KIRREL1: variants seen among roughly 807,000 people sequenced by gnomAD.
The protein encoded by KIRREL1 is kin of IRRE-like protein 1.
A neutral mutation model predicts 83.3 loss-of-function variants in KIRREL1; 25 were observed. The ratio of observed to expected loss-of-function variants is 0.30; its 90% CI spans 0.22 to 0.42. The LOEUF is 0.42. Among genes scored for constraint, KIRREL1 ranks in the 10% least tolerant of loss-of-function variants. The probability of loss-of-function intolerance (pLI) is 1.00; values close to 1 mark genes in which losing one functional copy is unlikely to be tolerated. For synonymous variants in KIRREL1, 388 were observed against 410.4 expected (o/e 0.95, Z 0.66); for missense variants, 812 against 1,032.3 (o/e 0.79, Z 2.92).
At chr1:158,092,384 GT>G (rs1662225200) in intron 11 of KIRREL1, among the ~76,000 whole-genome samples, 1 of 115,318 alleles carries the variant, frequency 8.7e-6, no homozygotes, top group Non-Finnish European at 1.6e-5. Flanking sequence ...GTCTTGCTCT[GT>G]CGCCCAGGCT....
At chr1:158,082,337 A>C (rs1425756624) in intron 3 of KIRREL1, among the ~76,000 whole-genome samples, 1 of 151,742 alleles carries the variant, frequency 6.6e-6, no homozygotes, top group East Asian at 1.9e-4. Flanking sequence ...ACTGAGACTC[A>C]GTGATTTTAG....
intron 1 of KIRREL1, among the ~76,000 whole-genome samples, chr1:158,031,964 C>T (rs1660338171): frequency 6.6e-6 from 1 of 152,016 alleles, no homozygotes; most frequent in South Asian, 2.1e-4. Context: ...ATACCCTTGG[C>T]CCCAGCTACT....
intron 1 of KIRREL1, among the ~76,000 whole-genome samples, chr1:158,013,124 T>G (rs1287059627): frequency 1.3e-5 from 2 of 152,350 alleles, no homozygotes; most frequent in East Asian, 3.9e-4. Flanking sequence ...TAGCTTTTTC[T>G]AAAATGCCAC....
chr1:158,003,553 C>T (rs979247341), intron 1 of KIRREL1, among the ~76,000 whole-genome samples: 4 of 152,154 alleles, frequency 2.6e-5, no homozygotes, highest in Non-Finnish European at 4.4e-5. Context: ...TCCCACACTC[C>T]CCTTGATGCC....
At chr1:158,038,629 C>A (rs1660540107) in intron 1 of KIRREL1, among the ~76,000 whole-genome samples, 2 of 151,528 alleles carry the variant, frequency 1.3e-5, no homozygotes. Flanking sequence ...TCTAGCCATT[C>A]TCTTCCTCTT....
intron 1 of KIRREL1, among the ~76,000 whole-genome samples, chr1:158,071,412 C>G (rs1486364849): frequency 6.6e-6 from 1 of 152,226 alleles, no homozygotes; most frequent in African/African-American, 2.4e-5. Context: ...CTCAGTTTTT[C>G]TCTGCCTGTC....
At chr1:158,079,363 A>C (rs184679080) in intron 3 of KIRREL1, among the ~76,000 whole-genome samples, 1 of 152,310 alleles carries the variant, frequency 6.6e-6, no homozygotes, top group African/African-American at 2.4e-5. Context: ...TCTGTCACCC[A>C]GGCTGGAGTG....
At chr1:158,038,485 C>CTTTTTTT (rs11340189) in intron 1 of KIRREL1, among the ~76,000 whole-genome samples, 1 of 68,080 alleles carries the variant, frequency 1.5e-5, no homozygotes, top group Admixed American at 1.8e-4. Flanking sequence ...GGCTCTTCCT[C>CTTTTTTT]TTTTTTTTTT....
intron 1 of KIRREL1, among the ~76,000 whole-genome samples, chr1:158,016,491 G>A (rs1009225746): frequency 2.6e-5 from 4 of 152,098 alleles, no homozygotes; most frequent in Admixed American, 6.6e-5. Flanking sequence ...CCAATAGAAG[G>A]AAGAGCCTTG....
At chr1:158,043,964 G>T (rs1221625539) in intron 1 of KIRREL1, among the ~76,000 whole-genome samples, 1 of 152,204 alleles carries the variant, frequency 6.6e-6, no homozygotes, top group Admixed American at 6.5e-5. Context: ...GTAAAATGGG[G>T]TTAATAATAG....
At chr1:158,042,608 T>C (rs914487870) in intron 1 of KIRREL1, among the ~76,000 whole-genome samples, 2 of 152,154 alleles carry the variant, frequency 1.3e-5, no homozygotes, top group African/African-American at 4.8e-5. Context: ...GGCACTGGTC[T>C]ATGTACTTTA....
At chr1:158,083,044 G>A (rs1163764745) in intron 3 of KIRREL1, among the ~76,000 whole-genome samples, 1 of 152,210 alleles carries the variant, frequency 6.6e-6, no homozygotes, top group East Asian at 1.9e-4. Context: ...GCTAGACATT[G>A]AAGTGTTGAT....
At chr1:158,040,458 G>C (rs1660594803) in intron 1 of KIRREL1, among the ~76,000 whole-genome samples, 1 of 152,234 alleles carries the variant, frequency 6.6e-6, no homozygotes, top group African/African-American at 2.4e-5. Context: ...GCAAAGGTTT[G>C]ATGGAATGAT....
rs1298481459 is a variant in KIRREL1 at position 158,097,969 on chromosome 1, A to T, written c.*2849A>T. ...AACCTAAAACTATTCTGGTTTTGTTATACCCATAGGGTTGGGGGTAGGGAT... is the reference window on the plus strand; with the variant it reads ...AACCTAAAACTATTCTGGTTTTGTTTTACCCATAGGGTTGGGGGTAGGGAT... On this transcript the variant is annotated 3_prime_UTR_variant, in exon 15 of 15. Transcript: ENST00000359209. 4.6e-5 allele frequency: 7 copies of T among 152,148 alleles called. No homozygotes were observed. Among genetic ancestry groups the T allele is most frequent in the Non-Finnish European group, 2.9e-5 (2 of 68,038 alleles). The allele number at this position is 152,148 out of a possible 1,614,324, so 9.4% of individuals were successfully genotyped here.
intron 1 of KIRREL1, among the ~76,000 whole-genome samples, chr1:158,046,811 T>G (rs1660790906): frequency 6.6e-6 from 1 of 152,132 alleles, no homozygotes; most frequent in Non-Finnish European, 1.5e-5. Flanking sequence ...GCACTAAAAG[T>G]TCTGGTGTGA....
intron 1 of KIRREL1, among the ~76,000 whole-genome samples, chr1:158,054,430 A>G (rs1660996502): frequency 6.6e-6 from 1 of 151,994 alleles, no homozygotes; most frequent in South Asian, 2.1e-4. Flanking sequence ...TATTATCCCA[A>G]ACAGCATGCT....
At chr1:158,077,716 A>G (rs1661723772) in intron 2 of KIRREL1, among the ~76,000 whole-genome samples, 1 of 151,518 alleles carries the variant, frequency 6.6e-6, no homozygotes, top group Non-Finnish European at 1.5e-5. Flanking sequence ...TTTCTCCCCT[A>G]TTATTATGAG....
chr1:158,008,478 T>A (rs1659582191), intron 1 of KIRREL1, among the ~76,000 whole-genome samples: 1 of 151,806 alleles, frequency 6.6e-6, no homozygotes, highest in Non-Finnish European at 1.5e-5. Context: ...CAGGAGATAG[T>A]CCCCAGTGAG....
At chr1:158,066,788 C>A (rs542674291) in intron 1 of KIRREL1, among the ~76,000 whole-genome samples, 7 of 152,328 alleles carry the variant, frequency 4.6e-5, no homozygotes, top group African/African-American at 1.7e-4. Context: ...CCCGCTCTGT[C>A]TTTTGCTCTC....
Sources: gnomAD v4.1 joint callset for allele counts (sites outside exome capture counted in the v4.1 genomes callset) on GRCh38, gnomAD v4.1.1 for gene constraint, MANE v1.5 for transcripts, NCBI Gene and HGNC (gene_info 2026-07-23, HGNC 2026-07-21) for gene names.